Variants in BRD10 observed in about 807,000 individuals in gnomAD.
BRD10 encodes uncharacterized bromodomain-containing protein 10.
the BRD10 span, among the ~76,000 whole-genome samples, chr9:5,941,716 A>G: frequency 2.0e-5 from 3 of 152,200 alleles, no homozygotes; most frequent in Non-Finnish European, 2.9e-5. Flanking sequence ...CAATGACACA[A>G]CCTCTAAAAG....
chr9:6,006,257 T>C, the BRD10 span, among the ~76,000 whole-genome samples: 110 of 152,332 alleles, frequency 7.2e-4, no homozygotes, highest in African/African-American at 2.5e-3. Flanking sequence ...AGAGAAGTAC[T>C]ATTATTATCC....
At chr9:5,960,102 C>G in the BRD10 span, among the ~76,000 whole-genome samples, 1 of 152,154 alleles carries the variant, frequency 6.6e-6, no homozygotes, top group African/African-American at 2.4e-5. Context: ...GATTTTTTCT[C>G]TACTTGACCT....
the BRD10 span, chr9:5,913,863 T>C: frequency 3.5e-6 from 1 of 284,224 alleles, no homozygotes; most frequent in Non-Finnish European, 6.9e-6. Context: ...CCCACCTGAG[T>C]AAGCATCTTT....
the BRD10 span, chr9:5,892,588 T>G: frequency 6.3e-7 from 1 of 1,584,092 alleles, no homozygotes; most frequent in African/African-American, 1.4e-5. Context: ...GCTTCCAGTT[T>G]GCCGTTTGCT....
chr9:5,927,421 C>A, the BRD10 span, among the ~76,000 whole-genome samples: 1 of 152,272 alleles, frequency 6.6e-6, no homozygotes, highest in Admixed American at 6.5e-5. Context: ...TTCTATCACA[C>A]AAACGACAAC....
chr9:5,937,465 G>T, the BRD10 span, among the ~76,000 whole-genome samples: 2 of 152,022 alleles, frequency 1.3e-5, no homozygotes, highest in African/African-American at 2.4e-5. Context: ...AACCTGGGAG[G>T]CAGAGGTTGC....
chr9:5,994,267 G>C, the BRD10 span, among the ~76,000 whole-genome samples: 1 of 152,008 alleles, frequency 6.6e-6, no homozygotes, highest in East Asian at 1.9e-4. Context: ...TAATAGTAAA[G>C]TATCCATATA....
the BRD10 span, among the ~76,000 whole-genome samples, chr9:5,905,884 C>A: frequency 1.3e-5 from 2 of 152,200 alleles, no homozygotes; most frequent in African/African-American, 4.8e-5. Context: ...TCATTCATAT[C>A]GGCACAGAAT....
At chr9:5,941,826 G>T in the BRD10 span, among the ~76,000 whole-genome samples, 1 of 152,002 alleles carries the variant, frequency 6.6e-6, no homozygotes, top group African/African-American at 2.4e-5. Flanking sequence ...TTACCTGAGT[G>T]AAAAAATGGG....
chr9:5,906,921 A>C, the BRD10 span: 1 of 1,597,374 alleles, frequency 6.3e-7, no homozygotes, highest in Non-Finnish European at 8.5e-7. Flanking sequence ...ATGTGCCTTA[A>C]CAAGAAGATG....
the BRD10 span, chr9:5,920,667 T>C: frequency 3.7e-5 from 60 of 1,613,866 alleles, no homozygotes; most frequent in South Asian, 1.9e-4. Context: ...CTTTTAGAAA[T>C]AGATACAGAA....
the BRD10 span, among the ~76,000 whole-genome samples, chr9:5,940,415 G>A: frequency 9.9e-5 from 15 of 152,078 alleles, no homozygotes; most frequent in Middle Eastern, 3.4e-3. Context: ...GGCTGGTCTC[G>A]AACTCCCAAC....
chr9:5,984,353 T>C, the BRD10 span, among the ~76,000 whole-genome samples: 1 of 152,276 alleles, frequency 6.6e-6, no homozygotes, highest in South Asian at 2.1e-4. Context: ...TACAGAGGCA[T>C]ACTGTCAAGT....
the BRD10 span, among the ~76,000 whole-genome samples, chr9:5,904,866 T>C: frequency 6.6e-6 from 1 of 151,814 alleles, no homozygotes; most frequent in African/African-American, 2.4e-5. Flanking sequence ...CTCTGCCTCC[T>C]GGGTTCATGC....
At chr9:5,958,277 G>C in the BRD10 span, among the ~76,000 whole-genome samples, 1 of 152,156 alleles carries the variant, frequency 6.6e-6, no homozygotes, top group Non-Finnish European at 1.5e-5. Flanking sequence ...TACTGTAACT[G>C]AGGAATAAAA....
the BRD10 span, chr9:5,928,951 C>T: frequency 1.6e-6 from 1 of 632,724 alleles, no homozygotes. Flanking sequence ...TTACAAATGA[C>T]TGGAAAACTA....
the BRD10 span, among the ~76,000 whole-genome samples, chr9:5,978,477 T>G: frequency 6.6e-6 from 1 of 152,034 alleles, no homozygotes; most frequent in African/African-American, 2.4e-5. Context: ...AGATATTTAT[T>G]TATATTTTCT....
the BRD10 span, among the ~76,000 whole-genome samples, chr9:5,886,995 G>A: frequency 2.4e-4 from 36 of 152,120 alleles, no homozygotes; most frequent in African/African-American, 7.9e-4. Flanking sequence ...GCAGTGGGTC[G>A]CGTCTGTAAT....
chr9:5,906,632 T>G, the BRD10 span, among the ~76,000 whole-genome samples: 5 of 152,254 alleles, frequency 3.3e-5, no homozygotes, highest in Admixed American at 6.5e-5. Flanking sequence ...GACCAACTAT[T>G]GGGTCCCAGG....
Sources: gnomAD v4.1 joint callset for allele counts (sites outside exome capture counted in the v4.1 genomes callset) on GRCh38, gnomAD v4.1.1 for gene constraint, MANE v1.5 for transcripts, NCBI Gene and HGNC (gene_info 2026-07-23, HGNC 2026-07-21) for gene names.